The following IQGAP2 variants were observed in gnomAD, a reference collection of about 807,000 sequenced individuals.
The protein encoded by IQGAP2 is IQ motif containing GTPase activating protein 2.
IQGAP2 carries 173 observed loss-of-function variants against 201.3 expected under a neutral mutation model. That is an observed-to-expected ratio of 0.86 (90% confidence interval 0.76 to 0.98). The LOEUF (loss-of-function observed/expected upper bound fraction) is 0.98, where lower values mean the gene tolerates loss of function less well. Ranked by LOEUF, IQGAP2 falls within the 50% of genes least tolerant of loss-of-function variation. IQGAP2 has a pLI of 0.00. For missense variants in IQGAP2, 1,687 were observed against 1,864.8 expected (o/e 0.90, Z 1.76); for synonymous variants, 675 against 673.9 (o/e 1.00, Z -0.03).
chr5:76,629,007 G>A (rs1373932647), intron 14 of IQGAP2, among the ~76,000 whole-genome samples: 2 of 152,140 alleles, frequency 1.3e-5, no homozygotes, highest in Admixed American at 1.3e-4. Flanking sequence ...TTTTTAAAAT[G>A]TTCTTATATT....
chr5:76,588,942 C>A lies in IQGAP2; in HGVS notation c.495C>A (p.Ile165=). Residue 165 remains isoleucine (I), a synonymous_variant, in exon 6 of 36, where the codon ATC becomes ATA. Coordinates refer to ENST00000274364, the MANE Select transcript of IQGAP2 (RefSeq NM_006633.5). ...YLFKLGIAPQ[I]QDLLGKVDFT... ...TCAAACTAGGAATAGCACCCCAGAT[C>A]CAGGATTTGTTGGGCAAAGTAGACT... The A allele has an allele frequency of 6.2e-7, 1 of 1,609,190 alleles. No homozygotes were observed. The highest frequency in any genetic ancestry group is 8.5e-7 in the Non-Finnish European group (1 of 1,176,270).
At position 76,637,126 on chromosome 5, in the gene IQGAP2, C is replaced by A. The variant is rs1751205012; in HGVS notation, c.1873C>A (p.Pro625Thr). 1 of 1,611,630 alleles carries A rather than the reference C, an allele frequency of 6.2e-7. No homozygotes were observed. The highest frequency in any genetic ancestry group is 1.7e-5 in the Admixed American group (1 of 59,766). The change falls in exon 16 of 36, where the codon CCT becomes ACT. Residue 625 changes from proline (P) to threonine (T), a missense_variant. Physicochemically the swap from Pro to Thr is conservative, Grantham distance 38. Transcript: ENST00000274364. ...TTCAAAAGAGAGTTCCTGGGTCACA[C>A]CTGAATCATGCTTGTATAAAGAATC... ...TDSKESSWVT[P>T]ESCLYKESWL...
intron 1 of IQGAP2, among the ~76,000 whole-genome samples, chr5:76,433,156 G>A (rs1219332123): frequency 6.6e-6 from 1 of 152,144 alleles, no homozygotes; most frequent in East Asian, 1.9e-4. Context: ...TTACTCTGAT[G>A]GTTATTTCTT....
chr5:76,440,112 C>T (rs764389224), intron 1 of IQGAP2, among the ~76,000 whole-genome samples: 9 of 152,214 alleles, frequency 5.9e-5, no homozygotes, highest in Non-Finnish European at 1.2e-4. Flanking sequence ...ATTTATGAAG[C>T]TTAGTTTAGC....
chr5:76,607,822 C>A (rs2150334092), intron 12 of IQGAP2: 1 of 152,388 alleles, frequency 6.6e-6, no homozygotes, highest in South Asian at 2.1e-4. Flanking sequence ...GCTACAGCAA[C>A]TGCCACCCAA....
intron 18 of IQGAP2, among the ~76,000 whole-genome samples, chr5:76,653,161 C>T (rs959052932): frequency 3.3e-5 from 5 of 152,088 alleles, no homozygotes; most frequent in Non-Finnish European, 7.4e-5. Flanking sequence ...TTTCATGTTT[C>T]TCTTTCCACA....
At chr5:76,561,810 CA>C (rs1278645518) in intron 2 of IQGAP2, among the ~76,000 whole-genome samples, 3 of 152,008 alleles carry the variant, frequency 2.0e-5, no homozygotes, top group Non-Finnish European at 4.4e-5. Context: ...GGTGTCTTCC[CA>C]AAAAAGATAA....
In IQGAP2 at chr5:76,671,920, C is replaced by T. The variant is rs1377055169; in HGVS notation, c.3005C>T (p.Thr1002Ile). ...IIDDKSLIIN[T>I]NPVEVYKAWV... ...GACGACAAGTCGCTGATTATCAACA[C>T]AAACCCTGTAGAGGTGTACAAGGCT... is the stretch of plus-strand genomic sequence containing the variant. Residue 1002 changes from threonine (T) to isoleucine (I), a missense_variant, in exon 24 of 36, where the codon ACA (threonine) becomes ATA (isoleucine). Thr to Ile is a moderately conservative substitution (Grantham distance 89). Coordinates refer to ENST00000274364, the MANE Select transcript of IQGAP2 (RefSeq NM_006633.5). 1 of 1,614,148 alleles carries T rather than the reference C, an allele frequency of 6.2e-7. No individual in the cohort carries two copies.
At chr5:76,417,842 A>G (rs954991972) in intron 1 of IQGAP2, among the ~76,000 whole-genome samples, 1 of 151,888 alleles carries the variant, frequency 6.6e-6, no homozygotes, top group Non-Finnish European at 1.5e-5. Flanking sequence ...TCAGCCTCCT[A>G]AAGTGCTGGG....
chr5:76,534,730 T>A (rs1279703908), intron 2 of IQGAP2, among the ~76,000 whole-genome samples: 1 of 152,224 alleles, frequency 6.6e-6, no homozygotes, highest in African/African-American at 2.4e-5. Flanking sequence ...AAACTGACCT[T>A]CTCTACATCT....
chr5:76,646,715 G>GT (rs953057367), intron 17 of IQGAP2, among the ~76,000 whole-genome samples: 55 of 151,268 alleles, frequency 3.6e-4, no homozygotes, highest in African/African-American at 8.2e-4. Context: ...GAAGTTTAAG[G>GT]TTTTTTTTTG....
intron 10 of IQGAP2, among the ~76,000 whole-genome samples, chr5:76,598,498 A>G (rs1026014811): frequency 1.3e-5 from 2 of 152,214 alleles, no homozygotes; most frequent in Admixed American, 6.5e-5. Flanking sequence ...AGTAAAAAAT[A>G]TATAAATTAA....
At chr5:76,652,490 A>G (rs1214208657) in intron 17 of IQGAP2, among the ~76,000 whole-genome samples, 1 of 152,152 alleles carries the variant, frequency 6.6e-6, no homozygotes, top group Admixed American at 6.5e-5. Flanking sequence ...TAAGCTTTCC[A>G]GCAGGAACTG....
intron 1 of IQGAP2, among the ~76,000 whole-genome samples, chr5:76,453,589 G>A (rs1753895462): frequency 6.6e-6 from 1 of 152,114 alleles, no homozygotes; most frequent in Non-Finnish European, 1.5e-5. Flanking sequence ...GTGAGGATAG[G>A]GACAGGGTGT....
chr5:76,629,544 T>C (rs1750529008), intron 14 of IQGAP2, among the ~76,000 whole-genome samples: 1 of 152,214 alleles, frequency 6.6e-6, no homozygotes, highest in Non-Finnish European at 1.5e-5. Flanking sequence ...TCTCTACCTT[T>C]TTCTCATTAT....
At chr5:76,502,348 A>G (rs1757326500) in intron 2 of IQGAP2, among the ~76,000 whole-genome samples, 1 of 152,216 alleles carries the variant, frequency 6.6e-6, no homozygotes, top group Admixed American at 6.5e-5. Flanking sequence ...TCACCAAAGT[A>G]TTCATTAATA....
At chr5:76,700,655 A>G (rs1747295579) in intron 33 of IQGAP2, among the ~76,000 whole-genome samples, 2 of 152,242 alleles carry the variant, frequency 1.3e-5, no homozygotes, top group African/African-American at 4.8e-5. Context: ...GGTAATATTT[A>G]TAAGGCACTT....
At chr5:76,460,505 G>A (rs1343508403) in intron 1 of IQGAP2, among the ~76,000 whole-genome samples, 3 of 152,052 alleles carry the variant, frequency 2.0e-5, no homozygotes, top group Non-Finnish European at 2.9e-5. Flanking sequence ...GCCATGGGGA[G>A]AATGAGTGGA....
chr5:76,421,529 A>G (rs540830002), intron 1 of IQGAP2, among the ~76,000 whole-genome samples: 1 of 152,222 alleles, frequency 6.6e-6, no homozygotes, highest in Non-Finnish European at 1.5e-5. Flanking sequence ...AGATGGGAGG[A>G]TCACTTGAGC....
Sources: gnomAD v4.1 joint callset for allele counts (sites outside exome capture counted in the v4.1 genomes callset) on GRCh38, gnomAD v4.1.1 for gene constraint, MANE v1.5 for transcripts, NCBI Gene and HGNC (gene_info 2026-07-23, HGNC 2026-07-21) for gene names.